NIPAL2: variants seen among roughly 807,000 people sequenced by gnomAD.
NIPAL2 encodes the protein NIPA-like protein 2.
NIPAL2 carries 43 observed loss-of-function variants against 48.9 expected under a neutral mutation model. The observed-to-expected ratio is 0.88, with a 90% confidence interval of 0.69 to 1.13. The LOEUF is 1.13. NIPAL2 is among the 50% of genes most tolerant of loss of function. NIPAL2 has a pLI of 0.00. For synonymous variants in NIPAL2, 167 were observed against 174.6 expected (o/e 0.96, Z 0.34); for missense variants, 446 against 461.4 (o/e 0.97, Z 0.31).
intron 1 of NIPAL2, among the ~76,000 whole-genome samples, chr8:98,257,246 A>G (rs1009581066): frequency 1.3e-5 from 2 of 152,164 alleles, no homozygotes; most frequent in Admixed American, 1.3e-4. Context: ...TAGCAATAAG[A>G]CACCAAATTC....
At chr8:98,205,439 T>C (rs1810983588) in intron 6 of NIPAL2, among the ~76,000 whole-genome samples, 193 bp from the exon 7 acceptor site, 1 of 151,982 alleles carries the variant, frequency 6.6e-6, no homozygotes, top group South Asian at 2.1e-4. Context: ...GGATATCAAA[T>C]TTGCTTAAAT....
intron 3 of NIPAL2, among the ~76,000 whole-genome samples, chr8:98,242,664 T>G (rs1488879177): frequency 1.3e-5 from 2 of 151,950 alleles, no homozygotes. Context: ...TTTTGTATTT[T>G]TAGTAGAGAT....
At chr8:98,205,476 G>GTTTT (rs1455822763) in intron 6 of NIPAL2, among the ~76,000 whole-genome samples, 1 of 148,142 alleles carries the variant, frequency 6.8e-6, no homozygotes, top group Non-Finnish European at 1.5e-5. Context: ...GTGTGACTGT[G>GTTTT]TGTTTTTTTT....
At chr8:98,276,720 G>A (rs1190939562) in intron 1 of NIPAL2, among the ~76,000 whole-genome samples, 1 of 151,534 alleles carries the variant, frequency 6.6e-6, no homozygotes, top group Non-Finnish European at 1.5e-5. Flanking sequence ...TACAGTCAAT[G>A]CTTGCCTTAC....
intron 6 of NIPAL2, among the ~76,000 whole-genome samples, chr8:98,210,606 C>T (rs1763314290): frequency 1.3e-5 from 2 of 152,250 alleles, no homozygotes; most frequent in South Asian, 4.1e-4. Context: ...ATTAGAGGTA[C>T]CAGTTCATGA....
chr8:98,219,380 G>T (rs1811734519), intron 5 of NIPAL2, among the ~76,000 whole-genome samples: 1 of 152,112 alleles, frequency 6.6e-6, no homozygotes, highest in African/African-American at 2.4e-5. Context: ...CAGAGGAAGA[G>T]GAAGTGCTCA....
Position 98,294,092 on chromosome 8 carries a change from C to T in NIPAL2, c.46G>A (p.Ala16Thr). 6.7e-7 allele frequency: 1 copy of T among 1,489,838 alleles called. No homozygotes were observed. The highest frequency in any genetic ancestry group is 8.9e-7 in the Non-Finnish European group (1 of 1,120,144). The allele number at this position is 1,489,838 out of a possible 1,614,324, so 92.3% of individuals were successfully genotyped here. Residue 16 changes from alanine to threonine, a missense_variant, in exon 1 of 11, where the codon GCC becomes ACC. Physicochemically the swap from Ala to Thr is moderately conservative, Grantham distance 58. Coordinates refer to ENST00000430223, the MANE Select transcript of NIPAL2 (RefSeq NM_001321635.2). ...PAGPGDSASA[A>T]LDELSLNFTY... ...AAATTCAGTGACAGCTCGTCCAGGG[C>T]GGCCGAGGCGGAGTCCCCGGGGCCC...
At position 98,196,024 on chromosome 8, in the gene NIPAL2, A is replaced by C; in HGVS notation, c.881-19T>G. 1 of 1,474,760 alleles carries C rather than the reference A, an allele frequency of 6.8e-7. No homozygotes were observed. The highest frequency in any genetic ancestry group is 1.2e-5 in the South Asian group (1 of 80,808). The allele number at this position is 1,474,760 out of a possible 1,614,324, so 91.4% of individuals were successfully genotyped here. A position where few individuals can be genotyped will look rare whatever the true frequency, so the allele number is the denominator to read the frequency against. ...ATGATACCTGTAACACAGGAAAAGA[A>C]GACAAAATTGATTTTGAAGTAAGGT... On this transcript the variant is annotated intron_variant, in intron 8 of 10. Coordinates refer to ENST00000430223, the MANE Select transcript of NIPAL2 (RefSeq NM_001321635.2).
chr8:98,190,767 A>G lies in NIPAL2; in HGVS notation c.*2211T>C, dbSNP rs1206594923. On this transcript the variant is annotated 3_prime_UTR_variant, in exon 11 of 11. Coordinates refer to ENST00000430223, the MANE Select transcript of NIPAL2 (RefSeq NM_001321635.2). Reference sequence around the variant, plus strand: ...GTACAGACAACACAAACTCCAAAATATGTACTCTGTGGGTCTTTACTGAAA... The same window carrying G: ...GTACAGACAACACAAACTCCAAAATGTGTACTCTGTGGGTCTTTACTGAAA... 2.0e-5 allele frequency: 3 copies of G among 152,188 alleles called. No individual in the cohort carries two copies. The highest frequency in any genetic ancestry group is 4.4e-5 in the Non-Finnish European group (3 of 68,032). 9.4% of individuals were successfully genotyped at this position (152,188 alleles called of 1,614,324 possible). A position where few individuals can be genotyped will look rare whatever the true frequency, so the allele number is the denominator to read the frequency against.
chr8:98,274,053 T>C (rs904096601), intron 1 of NIPAL2, among the ~76,000 whole-genome samples: 6 of 152,084 alleles, frequency 3.9e-5, no homozygotes, highest in African/African-American at 1.4e-4. Flanking sequence ...TTTTATTAAA[T>C]TATTTCTAAT....
intron 6 of NIPAL2, among the ~76,000 whole-genome samples, chr8:98,209,846 A>G (rs1274930219): frequency 6.6e-6 from 1 of 152,178 alleles, no homozygotes; most frequent in Non-Finnish European, 1.5e-5. Context: ...CAGCATCAGA[A>G]TAATCTATTC....
chr8:98,265,745 C>G (rs1814681435), intron 1 of NIPAL2, among the ~76,000 whole-genome samples: 1 of 135,678 alleles, frequency 7.4e-6, no homozygotes, highest in Non-Finnish European at 1.6e-5. Context: ...GGATCTAGAA[C>G]TGGAAATACC....
intron 3 of NIPAL2, among the ~76,000 whole-genome samples, chr8:98,245,203 A>G (rs1002535558): frequency 5.3e-5 from 8 of 152,220 alleles, no homozygotes; most frequent in Non-Finnish European, 1.0e-4. Flanking sequence ...GTCAGTCACA[A>G]TCAAGCTCCA....
At chr8:98,288,942 C>T (rs1816346326) in intron 1 of NIPAL2, among the ~76,000 whole-genome samples, 1 of 152,194 alleles carries the variant, frequency 6.6e-6, no homozygotes, top group African/African-American at 2.4e-5. Flanking sequence ...GACTTTGTGG[C>T]AATCACTTTC....
intron 1 of NIPAL2, among the ~76,000 whole-genome samples, chr8:98,266,300 G>GA (rs140250169): frequency 1.5e-4 from 22 of 145,950 alleles, no homozygotes; most frequent in Admixed American, 3.4e-4. Context: ...AAAAGAAAAT[G>GA]AAAAAAAAAA....
chr8:98,247,082 A>G (rs551426411), intron 3 of NIPAL2, among the ~76,000 whole-genome samples: 4 of 152,348 alleles, frequency 2.6e-5, no homozygotes, highest in African/African-American at 9.6e-5. Context: ...ACTGAACTCA[A>G]TCCCCAAAGG....
At chr8:98,273,371 G>T (rs1815253326) in intron 1 of NIPAL2, among the ~76,000 whole-genome samples, 1 of 152,086 alleles carries the variant, frequency 6.6e-6, no homozygotes, top group African/African-American at 2.4e-5. Context: ...TGAATGAGGG[G>T]CTTGGGGATG....
chr8:98,237,367 T>TTA (rs748629028), intron 3 of NIPAL2, among the ~76,000 whole-genome samples: 20 of 152,096 alleles, frequency 1.3e-4, no homozygotes, highest in Non-Finnish European at 2.4e-4. Context: ...TCACTCTTTG[T>TTA]TAGGTCTGTT....
At position 98,252,527 on chromosome 8, in the gene NIPAL2, G is replaced by T. The variant is rs536797899; in HGVS notation, c.312C>A (p.Asn104Lys). The change falls in exon 3 of 11, where the codon AAC (asparagine) becomes AAA (lysine). Residue 104 changes from asparagine (N) to lysine (K), a missense_variant. Asn to Lys is a moderately conservative substitution (Grantham distance 94). Coordinates refer to ENST00000430223, the MANE Select transcript of NIPAL2 (RefSeq NM_001321635.2). ...TGGGAGCAAATCCATAGGCTGCAAA[G>T]TTCCCCGTCTCTCCCACGGCCATCA... ...VLLMAVGETG[N>K]FAAYGFAPIT... The T allele has an allele frequency of 3.7e-6, 6 of 1,614,050 alleles. No homozygotes were observed. The highest frequency in any genetic ancestry group is 2.7e-5 in the African/African-American group (2 of 75,024).
Sources: gnomAD v4.1 joint callset for allele counts (sites outside exome capture counted in the v4.1 genomes callset) on GRCh38, gnomAD v4.1.1 for gene constraint, MANE v1.5 for transcripts, NCBI Gene and HGNC (gene_info 2026-07-23, HGNC 2026-07-21) for gene names.